The following AGAP1 variants were observed in gnomAD, a reference collection of about 807,000 sequenced individuals.
AGAP1 encodes ArfGAP with GTPase domain, ankyrin repeat and PH domain 1.
AGAP1 carries 29 observed loss-of-function variants against 105.3 expected under a neutral mutation model. The ratio of observed to expected loss-of-function variants is 0.28; its 90% CI spans 0.21 to 0.38. AGAP1 has a LOEUF of 0.38. AGAP1 is among the 10% of genes least tolerant of loss of function. AGAP1 has a pLI of 1.00. For synonymous variants in AGAP1, 509 were observed against 485.9 expected, an observed-to-expected ratio of 1.05 and a Z score of -0.63; for missense variants, 998 against 1,165.1, an observed-to-expected ratio of 0.86 and a Z score of 2.09.
At chr2:236,071,518 GGGCCATGCGATCTACAGA>G (rs1310669626) in intron 16 of AGAP1, among the ~76,000 whole-genome samples, 1 of 152,164 alleles carries the variant, frequency 6.6e-6, no homozygotes, top group African/African-American at 2.4e-5. Context: ...AACCACACTG[GGGCCATGCGATCTACAGA>G]CCCTTATGTG....
In AGAP1 at chr2:235,754,407, A is replaced by G. The variant is rs1320476584; in HGVS notation, c.673+3919A>G. ...TAAAGGAAAAGCGTGTAATTTCTAC[A>G]TAATGTTTGGCTTGTAAATAAAAAA... On this transcript the variant is annotated intron_variant, in intron 6 of 17. Coordinates refer to ENST00000304032, the MANE Select transcript of AGAP1 (RefSeq NM_001037131.3). The surrounding 1 kb of genome is among the most constrained non-coding windows in gnomAD (Gnocchi z 4.6). Among the ~76,000 whole-genome samples the G allele has an allele frequency of 2.0e-5, 3 of 151,148 alleles. No individual in the cohort carries two copies. In the East Asian group the frequency reaches 6.0e-4, roughly 30 times the overall value.
At chr2:235,852,587 A>T (rs891641343) in intron 9 of AGAP1, 59 of 1,167,766 alleles carry the variant, frequency 5.1e-5, no homozygotes, top group Admixed American at 1.5e-4. Context: ...GAGACTGCTG[A>T]AGTAAGGGTT....
At chr2:235,581,423 C>G (rs1414781885) in intron 1 of AGAP1, among the ~76,000 whole-genome samples, 1 of 148,664 alleles carries the variant, frequency 6.7e-6, no homozygotes, top group Non-Finnish European at 1.5e-5. Context: ...AGAATTCAAT[C>G]ATGAAGAAGA....
chr2:235,915,771 G>T (rs1431539987), intron 11 of AGAP1, among the ~76,000 whole-genome samples: 1 of 152,164 alleles, frequency 6.6e-6, no homozygotes, highest in Non-Finnish European at 1.5e-5. Flanking sequence ...TGTAAAGAAC[G>T]TGGCTAAAGA....
intron 1 of AGAP1, among the ~76,000 whole-genome samples, chr2:235,643,458 A>AAAAAAAAAAAAAAAAAAAAAAAAT (rs1947270591): frequency 7.0e-6 from 1 of 142,572 alleles, no homozygotes; most frequent in African/African-American, 2.7e-5. Context: ...AAAAAAAAAA[A>AAAAAAAAAAAAAAAAAAAAAAAAT]AAGAAAGAAA....
intron 13 of AGAP1, among the ~76,000 whole-genome samples, chr2:235,984,617 A>T (rs944629342): frequency 6.6e-6 from 1 of 151,672 alleles, no homozygotes; most frequent in Non-Finnish European, 1.5e-5. Context: ...CCGACCCCCA[A>T]ACAGGCCCTG....
At chr2:236,106,135 G>A (rs2059484646) in intron 16 of AGAP1, among the ~76,000 whole-genome samples, 1 of 152,234 alleles carries the variant, frequency 6.6e-6, no homozygotes, top group Admixed American at 6.5e-5. Flanking sequence ...GGCAGCCTTT[G>A]GGGCCCTAGG....
chr2:235,836,365 G>T (rs930110515), intron 9 of AGAP1, among the ~76,000 whole-genome samples: 1 of 152,206 alleles, frequency 6.6e-6, no homozygotes. Context: ...TGATGGCCCT[G>T]CAGAATCCTT....
chr2:235,796,032 C>T (rs963445982), intron 6 of AGAP1, among the ~76,000 whole-genome samples: 2 of 152,198 alleles, frequency 1.3e-5, no homozygotes, highest in African/African-American at 4.8e-5. Context: ...AAGCATGCAT[C>T]CTAGTCCTAT....
chr2:236,116,696 C>T (rs1417606604), intron 16 of AGAP1, among the ~76,000 whole-genome samples: 2 of 152,066 alleles, frequency 1.3e-5, no homozygotes, highest in Non-Finnish European at 2.9e-5. Context: ...GTGCACCCAT[C>T]ACCCGAGCAC....
intron 1 of AGAP1, among the ~76,000 whole-genome samples, chr2:235,613,077 G>A (rs1289428061): frequency 1.3e-5 from 2 of 149,492 alleles, no homozygotes; most frequent in African/African-American, 2.5e-5. Flanking sequence ...AGGCTGGATA[G>A]AGTGCAGTGG....
At position 235,744,776 on chromosome 2, in the gene AGAP1, T is replaced by C. The variant is rs761885484; in HGVS notation, c.475T>C (p.Tyr159His). Residue 159 changes from tyrosine to histidine, a missense_variant, in exon 5 of 18, where the codon TAC becomes CAC. Coordinates refer to ENST00000304032, the MANE Select transcript of AGAP1 (RefSeq NM_001037131.3). The surrounding 1 kb of genome is among the most constrained non-coding windows in gnomAD (Gnocchi z 5.2). Reference sequence around the variant, plus strand: ...AAGTTTCCAGACCGTTTACCACTACTACAGTCGAATGGCCAACTATCGGAA... The same window carrying C: ...AAGTTTCCAGACCGTTTACCACTACCACAGTCGAATGGCCAACTATCGGAA... ...EISFQTVYHY[Y>H]SRMANYRNTS... The C allele has an allele frequency of 6.2e-6, 10 of 1,614,008 alleles. No homozygotes were observed. The highest frequency in any genetic ancestry group is 7.6e-6 in the Non-Finnish European group (9 of 1,180,030).
rs1257056875 is a variant in AGAP1 at position 235,789,411 on chromosome 2, C to G, written c.674-8348C>G. On this transcript the variant is annotated intron_variant, in intron 6 of 17. Coordinates refer to ENST00000304032, the MANE Select transcript of AGAP1 (RefSeq NM_001037131.3). This position sits in a 1 kb window ranked among gnomAD's most constrained non-coding sequence, Gnocchi z 4.2. ...AATTAAACAATAGCTTCATTTCCAG[C>G]AAATTAACAACCCTAATAGGTAATT... 1.3e-5 allele frequency among the ~76,000 whole-genome samples: 2 copies of G among 152,072 alleles called. No individual in the cohort carries two copies. Among genetic ancestry groups the G allele is most frequent in the African/African-American group, 4.8e-5 (2 of 41,396 alleles).
intron 14 of AGAP1, among the ~76,000 whole-genome samples, chr2:236,039,004 T>A: frequency 6.6e-6 from 1 of 152,336 alleles, no homozygotes; most frequent in South Asian, 2.1e-4. Flanking sequence ...GCAAGTAATA[T>A]ATTATTTCAC....
rs1399789669 is a variant in AGAP1 at position 235,494,621 on chromosome 2, C to T, written c.-66C>T. On this transcript the variant is annotated 5_prime_UTR_variant, in exon 1 of 18. Coordinates refer to ENST00000304032, the MANE Select transcript of AGAP1 (RefSeq NM_001037131.3). Reference sequence around the variant, plus strand: ...CTGCGGCGCCCCGGGCTCGGCGGCCCGCGGGCCCCGGGGCGCGGGGCGGCG... The same window carrying T: ...CTGCGGCGCCCCGGGCTCGGCGGCCTGCGGGCCCCGGGGCGCGGGGCGGCG... 3.3e-6 allele frequency: 3 copies of T among 920,788 alleles called. No individual in the cohort carries two copies. Among genetic ancestry groups the T allele is most frequent in the African/African-American group, 1.8e-5 (1 of 54,142 alleles). 57.0% of individuals were successfully genotyped at this position (920,788 alleles called of 1,614,324 possible). A position where few individuals can be genotyped will look rare whatever the true frequency, so the allele number is the denominator to read the frequency against.
intron 2 of AGAP1, 76 bp downstream of exon 2, chr2:235,709,313 C>A: frequency 6.6e-7 from 1 of 1,511,920 alleles, no homozygotes; most frequent in Non-Finnish European, 9.2e-7. Flanking sequence ...CATTCCCAGG[C>A]AACTGGTCAT....
At chr2:235,686,612 G>GAGATATAGAT (rs1949407420) in intron 1 of AGAP1, among the ~76,000 whole-genome samples, 1 of 56,792 alleles carries the variant, frequency 1.8e-5, no homozygotes, top group African/African-American at 1.0e-4. Context: ...TATATACGTG[G>GAGATATAGAT]AGATATAGAT....
rs1029250642 is a variant in AGAP1 at position 235,508,337 on chromosome 2, T to C, written c.163+13488T>C. Among the ~76,000 whole-genome samples, 16 of 152,218 alleles carry C rather than the reference T, an allele frequency of 1.1e-4. 1 individual carries two copies. The highest frequency in any genetic ancestry group is 3.9e-4 in the African/African-American group (16 of 41,458). Reference sequence around the variant, plus strand: ...AATGCCACCTACAGTTTTGATGTTTTAGTAAAGTAGAAAAGGAAACTTCAG... The same window carrying C: ...AATGCCACCTACAGTTTTGATGTTTCAGTAAAGTAGAAAAGGAAACTTCAG... On this transcript the variant is annotated intron_variant, in intron 1 of 17. Transcript: ENST00000304032.
Position 235,750,498 on chromosome 2 carries a change from C to A in AGAP1, c.673+10C>A. On this transcript the variant is annotated intron_variant, in intron 6 of 17. Transcript: ENST00000304032. This position sits in a 1 kb window ranked among gnomAD's most constrained non-coding sequence, Gnocchi z 5.3. Reference sequence around the variant, plus strand: ...AGGGTCTTCCAGGACGGTAAATGCGCGTGGCTGGGAGTTTAATTTCAGTTC... The same window carrying A: ...AGGGTCTTCCAGGACGGTAAATGCGAGTGGCTGGGAGTTTAATTTCAGTTC... 1.2e-6 allele frequency: 2 copies of A among 1,614,042 alleles called. No homozygotes were observed. Among genetic ancestry groups the A allele is most frequent in the South Asian group, 2.2e-5 (2 of 91,072 alleles).
Sources: allele counts gnomAD v4.1 joint callset (sites outside exome capture counted in the v4.1 genomes callset), GRCh38; gene constraint gnomAD v4.1.1; non-coding constraint Gnocchi (gnomAD v3.1); transcripts MANE v1.5; gene names NCBI Gene and HGNC (gene_info 2026-07-23, HGNC 2026-07-21).